The following TNS3 variants were observed in gnomAD, a reference collection of about 807,000 sequenced individuals.
The protein encoded by TNS3 is tensin-3.
In TNS3, 45 loss-of-function variants were observed where a neutral mutation model predicts 140.9. The observed-to-expected ratio is 0.32, with a 90% CI of 0.25 to 0.41. The LOEUF (loss-of-function observed/expected upper bound fraction) is 0.41, where lower values mean the gene tolerates loss of function less well. Among genes scored for constraint, TNS3 ranks in the 10% least tolerant of loss-of-function variants. TNS3 has a pLI of 1.00. For synonymous variants in TNS3, 815 were observed against 788.4 expected, an observed-to-expected ratio of 1.03 and a Z score of -0.56; for missense variants, 1,716 against 1,906.7, an observed-to-expected ratio of 0.90 and a Z score of 1.86.
At chr7:47,291,815 A>G (rs1785720495) in intron 27 of TNS3, 140 bp downstream of exon 27, 2 of 902,000 alleles carry the variant, frequency 2.2e-6, no homozygotes, top group East Asian at 5.4e-5. Flanking sequence ...GCTCTGTGCA[A>G]GCTTCTATAA....
chr7:47,525,954 A>G (rs1284752322), intron 2 of TNS3, among the ~76,000 whole-genome samples: 1 of 152,178 alleles, frequency 6.6e-6, no homozygotes, highest in East Asian at 1.9e-4. Context: ...AGTGTGTGCA[A>G]CTGCAGGACA....
At chr7:47,364,277 A>AT (rs10566032) in intron 17 of TNS3, among the ~76,000 whole-genome samples, 4,503 of 110,438 alleles carry the variant, frequency 0.041, 31 homozygotes, top group African/African-American at 0.061. Flanking sequence ...GTAAGCAATA[A>AT]TTTTTTTTTT....
intron 16 of TNS3, among the ~76,000 whole-genome samples, chr7:47,381,420 A>G (rs1443984641): frequency 2.6e-5 from 4 of 152,202 alleles, no homozygotes; most frequent in Non-Finnish European, 5.9e-5. Context: ...CATTCAACGT[A>G]GGTGGGCTTC....
intron 17 of TNS3, 109 bp from the exon 18 acceptor site, chr7:47,346,465 C>T: frequency 7.8e-7 from 1 of 1,288,608 alleles, no homozygotes; most frequent in South Asian, 1.4e-5. Flanking sequence ...ATGCTGCATC[C>T]TGGTCACCAC....
intron 1 of TNS3, among the ~76,000 whole-genome samples, chr7:47,569,875 G>C (rs1444850661): frequency 2.6e-5 from 4 of 151,694 alleles, no homozygotes; most frequent in Non-Finnish European, 5.9e-5. Context: ...TAGGTCGGGC[G>C]TGGTGGCTCA....
At chr7:47,489,918 G>C (rs752161626) in intron 3 of TNS3, among the ~76,000 whole-genome samples, 2 of 152,132 alleles carry the variant, frequency 1.3e-5, no homozygotes, top group African/African-American at 4.8e-5. Flanking sequence ...GGCCCGCAGA[G>C]GCAGAATCAG....
At chr7:47,386,800 C>T (rs76011395) in intron 16 of TNS3, among the ~76,000 whole-genome samples, 6,170 of 152,322 alleles carry the variant, frequency 0.041, 148 homozygotes, top group Non-Finnish European at 0.053. Context: ...CATTAAAGCT[C>T]GCTTTTCTTA....
At chr7:47,471,844 G>A (rs559533529) in intron 4 of TNS3, among the ~76,000 whole-genome samples, 1 of 152,300 alleles carries the variant, frequency 6.6e-6, no homozygotes, top group African/African-American at 2.4e-5. Flanking sequence ...AATGCCTGAG[G>A]AACAACTAAT....
rs538843920 is a variant in TNS3, at chr7:47,495,895, G to A, written c.-115+11012C>T. Among the ~76,000 whole-genome samples the A allele has an allele frequency of 9.2e-5, 14 of 152,364 alleles. No individual in the cohort carries two copies. In the East Asian group the frequency reaches 1.5e-3, roughly 17 times the overall value. ...CCATCTCGGCAGAGGGAAGGGGTAA[G>A]GACAGACCACTCAGGAGAGCAGTGG... On this transcript the variant is annotated intron_variant, in intron 3 of 30. Coordinates refer to ENST00000311160, the MANE Select transcript of TNS3 (RefSeq NM_022748.12).
chr7:47,509,393 G>T (rs1175438355), intron 2 of TNS3, among the ~76,000 whole-genome samples: 1 of 152,174 alleles, frequency 6.6e-6, no homozygotes, highest in South Asian at 2.1e-4. Context: ...CCTCAGAGTA[G>T]CAAGTCCACC....
chr7:47,520,612 G>A (rs994526319), intron 2 of TNS3, among the ~76,000 whole-genome samples: 3 of 152,202 alleles, frequency 2.0e-5, no homozygotes, highest in African/African-American at 7.2e-5. Flanking sequence ...AAGTCCGTGT[G>A]GAGGCGGCTG....
chr7:47,549,487 C>A (rs965169628), intron 1 of TNS3, among the ~76,000 whole-genome samples: 1 of 151,906 alleles, frequency 6.6e-6, no homozygotes, highest in Non-Finnish European at 1.5e-5. Context: ...GAGGGAAACT[C>A]CATCTCAAAA....
At chr7:47,396,323 G>A (rs1023069426) in intron 16 of TNS3, among the ~76,000 whole-genome samples, 4 of 152,138 alleles carry the variant, frequency 2.6e-5, no homozygotes, top group Admixed American at 6.5e-5. Context: ...ACGGTTTCAC[G>A]AAAACAGAGA....
intron 4 of TNS3, among the ~76,000 whole-genome samples, chr7:47,450,124 A>G (rs990427058): frequency 2.6e-5 from 4 of 152,210 alleles, no homozygotes; most frequent in Non-Finnish European, 5.9e-5. Context: ...CACTAATCCC[A>G]AAGTGGCTGT....
intron 6 of TNS3, among the ~76,000 whole-genome samples, chr7:47,438,576 G>C (rs1441168550): frequency 6.6e-6 from 1 of 152,124 alleles, no homozygotes; most frequent in East Asian, 1.9e-4. Flanking sequence ...CAGACAAGAC[G>C]GGCTTCAAGA....
At chr7:47,307,174 C>T (rs531481752) in intron 20 of TNS3, among the ~76,000 whole-genome samples, 1 of 152,266 alleles carries the variant, frequency 6.6e-6, no homozygotes, top group South Asian at 2.1e-4. Context: ...TTCCTCCAGC[C>T]CCTTCTCCTG....
chr7:47,364,300 T>TG (rs1404313484), intron 17 of TNS3, among the ~76,000 whole-genome samples: 3 of 126,876 alleles, frequency 2.4e-5, no homozygotes, highest in African/African-American at 6.9e-5. Context: ...TTTTTTTTTT[T>TG]GGGCCAGAGT....
At chr7:47,342,979 C>T (rs1254956401) in intron 20 of TNS3, among the ~76,000 whole-genome samples, 1 of 152,158 alleles carries the variant, frequency 6.6e-6, no homozygotes, top group Non-Finnish European at 1.5e-5. Flanking sequence ...TGAAGTTGAC[C>T]CTCCCTGGGG....
At chr7:47,530,104 A>T (rs1799337260) in intron 1 of TNS3, among the ~76,000 whole-genome samples, 1 of 152,246 alleles carries the variant, frequency 6.6e-6, no homozygotes, top group Non-Finnish European at 1.5e-5. Context: ...AGAGAAAGAA[A>T]GGTCATAACA....
Sources: allele counts gnomAD v4.1 joint callset (sites outside exome capture counted in the v4.1 genomes callset), GRCh38; gene constraint gnomAD v4.1.1; transcripts MANE v1.5; gene names NCBI Gene and HGNC (gene_info 2026-07-23, HGNC 2026-07-21).